SNX25: variants seen among roughly 807,000 people sequenced by gnomAD.
SNX25 encodes sorting nexin 25, also known as sorting nexin-25.
In SNX25, 62 loss-of-function variants were observed where a neutral mutation model predicts 113.7. The observed-to-expected ratio is 0.55, with a 90% CI of 0.44 to 0.67. SNX25 has a LOEUF of 0.67. Among genes scored for constraint, SNX25 ranks in the 30% least tolerant of loss-of-function variants. SNX25 has a pLI of 0.00. For missense variants in SNX25, 1,014 were observed against 1,161.0 expected, an observed-to-expected ratio of 0.87 and a Z score of 1.84; for synonymous variants, 421 against 436.2, an observed-to-expected ratio of 0.97 and a Z score of 0.43.
At chr4:185,288,509 C>G (rs1560972272) in intron 6 of SNX25, among the ~76,000 whole-genome samples, 1 of 147,946 alleles carries the variant, frequency 6.8e-6, no homozygotes, top group African/African-American at 2.5e-5. Flanking sequence ...CTTTTTTAAG[C>G]TTTTTTTTAA....
intron 1 of SNX25, among the ~76,000 whole-genome samples, chr4:185,243,389 C>T (rs1162752347): frequency 2.6e-5 from 4 of 152,104 alleles, no homozygotes; most frequent in East Asian, 1.9e-4. Context: ...GTGGGAGGAT[C>T]GCTTGAGGCC....
chr4:185,345,942 C>T (rs1561038810), intron 12 of SNX25, among the ~76,000 whole-genome samples: 1 of 152,176 alleles, frequency 6.6e-6, no homozygotes, highest in Non-Finnish European at 1.5e-5. Context: ...ACTGCAGCCT[C>T]CACCTCCTGG....
intron 1 of SNX25, among the ~76,000 whole-genome samples, chr4:185,244,800 C>T (rs1353496632): frequency 1.3e-5 from 2 of 152,100 alleles, no homozygotes; most frequent in Non-Finnish European, 2.9e-5. Flanking sequence ...AAAAAAAATT[C>T]CACTAAGAAA....
chr4:185,220,767 A>G (rs1739703923), intron 1 of SNX25, among the ~76,000 whole-genome samples: 1 of 152,176 alleles, frequency 6.6e-6, no homozygotes, highest in South Asian at 2.1e-4. Flanking sequence ...GGCGTGAGCC[A>G]CTGCGCCCGG....
At chr4:185,371,321 C>G (rs538873042), downstream of SNX25, among the ~76,000 whole-genome samples, 1 of 152,032 alleles carries the variant, frequency 6.6e-6, no homozygotes, top group Admixed American at 6.5e-5. Flanking sequence ...AGGCGGATCA[C>G]GAGGTTAGGA....
chr4:185,290,258 C>G (rs1474706001), intron 6 of SNX25, among the ~76,000 whole-genome samples: 1 of 152,214 alleles, frequency 6.6e-6, no homozygotes, highest in Non-Finnish European at 1.5e-5. Flanking sequence ...GGACACGATT[C>G]AGCCCATAAC....
chr4:185,347,229 C>T (rs1478096376), intron 13 of SNX25, among the ~76,000 whole-genome samples: 4 of 152,222 alleles, frequency 2.6e-5, no homozygotes, highest in African/African-American at 7.2e-5. Context: ...CTTATATAAA[C>T]GTCTAGTACT....
At chr4:185,272,565 T>G (rs1749096538) in intron 5 of SNX25, among the ~76,000 whole-genome samples, 1 of 152,140 alleles carries the variant, frequency 6.6e-6, no homozygotes, top group African/African-American at 2.4e-5. Context: ...AATTTTTATG[T>G]AATTGGTCTG....
upstream of SNX25, among the ~76,000 whole-genome samples, chr4:185,208,053 T>G (rs1199949690): frequency 6.6e-6 from 1 of 152,114 alleles, no homozygotes; most frequent in African/African-American, 2.4e-5. Context: ...TGGGTGAAAA[T>G]TAACAACTAT....
intron 1 of SNX25, 89 bp from the exon 2 acceptor site, chr4:185,247,205 T>G: frequency 1.2e-6 from 1 of 833,698 alleles, no homozygotes; most frequent in Non-Finnish European, 1.9e-6. Context: ...TAATGCTTGT[T>G]TAGATGGCAT....
intron 17 of SNX25, 113 bp downstream of exon 17, chr4:185,362,218 A>G (rs2095368110): frequency 2.1e-6 from 3 of 1,416,112 alleles, no homozygotes; most frequent in Non-Finnish European, 2.8e-6. Context: ...TGAAAAAAAA[A>G]AGGATCATAC....
rs1402486926 is a variant in SNX25, at chr4:185,238,058, A to G, written c.430-9236A>G. On this transcript the variant is annotated intron_variant, in intron 1 of 18. Coordinates refer to ENST00000652585, the MANE Select transcript of SNX25 (RefSeq NM_001378034.2). ...AGTCTGGGCTACAGAGCGAGACTCC[A>G]TCTCAAAAAAAAAAAAAAAAAAAAA... Among the ~76,000 whole-genome samples the G allele has an allele frequency of 5.4e-5, 5 of 93,080 alleles. No homozygotes were observed. The Admixed American group carries it at 5.6e-4, about 10-fold the overall frequency. The allele number at this position is 93,080 out of a possible 152,430, so 61.1% of individuals were successfully genotyped here. A position where few individuals can be genotyped will look rare whatever the true frequency, so the allele number is the denominator to read the frequency against.
chr4:185,278,041 T>G (rs1443525548), intron 5 of SNX25, among the ~76,000 whole-genome samples: 1 of 152,152 alleles, frequency 6.6e-6, no homozygotes, highest in Admixed American at 6.5e-5. Context: ...CTTATTACCT[T>G]TTAAAAAATA....
chr4:185,270,457 C>T (rs997311180), intron 5 of SNX25, among the ~76,000 whole-genome samples: 1 of 152,214 alleles, frequency 6.6e-6, no homozygotes, highest in Non-Finnish European at 1.5e-5. Context: ...GAAGCAGGCC[C>T]TTTGGTCTTG....
At chr4:185,332,521 G>T in intron 9 of SNX25, 74 bp from the exon 10 acceptor site, 1 of 1,377,222 alleles carries the variant, frequency 7.3e-7, no homozygotes, top group East Asian at 2.4e-5. Context: ...TTTTGCAACA[G>T]GGTATCGTGA....
intron 6 of SNX25, among the ~76,000 whole-genome samples, chr4:185,300,486 G>T (rs1560985388): frequency 1.3e-5 from 2 of 151,718 alleles, no homozygotes; most frequent in Non-Finnish European, 2.9e-5. Flanking sequence ...TTTTTTTAAT[G>T]ATGTTATGTA....
chr4:185,211,846 C>T (rs1469731022), intron 1 of SNX25, among the ~76,000 whole-genome samples: 1 of 151,828 alleles, frequency 6.6e-6, no homozygotes, highest in Non-Finnish European at 1.5e-5. Flanking sequence ...GCATTGAAAG[C>T]CTCCTGTTGT....
At chr4:185,331,500 G>A (rs914042496) in intron 9 of SNX25, among the ~76,000 whole-genome samples, 1 of 152,108 alleles carries the variant, frequency 6.6e-6, no homozygotes, top group Admixed American at 6.5e-5. Flanking sequence ...GAACATATGG[G>A]CCGGGCACAG....
At chr4:185,364,545 A>G (rs1023556946), downstream of SNX25, 5 of 152,244 alleles carry the variant, frequency 3.3e-5, no homozygotes, top group African/African-American at 9.6e-5. Flanking sequence ...GCCAGTTTAT[A>G]TACGTATGAT....
Sources: allele counts gnomAD v4.1 joint callset (sites outside exome capture counted in the v4.1 genomes callset), GRCh38; gene constraint gnomAD v4.1.1; transcripts MANE v1.5; gene names NCBI Gene and HGNC (gene_info 2026-07-23, HGNC 2026-07-21).